CNTNAP5: variants seen among roughly 807,000 people sequenced by gnomAD.
The protein encoded by CNTNAP5 is contactin associated protein family member 5, also known as contactin-associated protein-like 5.
In CNTNAP5, 72 loss-of-function variants were observed where a neutral mutation model predicts 150.2. The ratio of observed to expected loss-of-function variants is 0.48; its 90% CI spans 0.40 to 0.58. CNTNAP5 has a LOEUF of 0.58. Ranked by LOEUF, CNTNAP5 falls within the 20% of genes least tolerant of loss-of-function variation. The probability of loss-of-function intolerance (pLI) is 0.00; values close to 1 mark genes in which losing one functional copy is unlikely to be tolerated. For synonymous variants in CNTNAP5, 672 were observed against 619.8 expected, an observed-to-expected ratio of 1.08 and a Z score of -1.25; for missense variants, 1,636 against 1,626.2, an observed-to-expected ratio of 1.01 and a Z score of -0.10.
At chr2:124,677,852 C>T (rs1314325790) in intron 13 of CNTNAP5, among the ~76,000 whole-genome samples, 1 of 151,846 alleles carries the variant, frequency 6.6e-6, no homozygotes. Context: ...GCCCACCTGG[C>T]TTCACCTCTC....
At chr2:124,551,629 G>T (rs1695630469) in intron 10 of CNTNAP5, among the ~76,000 whole-genome samples, 1 of 152,124 alleles carries the variant, frequency 6.6e-6, no homozygotes, top group Non-Finnish European at 1.5e-5. Flanking sequence ...AAAGCATATA[G>T]AAATTGAAAC....
chr2:124,344,931 A>G (rs1689701950), intron 3 of CNTNAP5, among the ~76,000 whole-genome samples: 1 of 152,202 alleles, frequency 6.6e-6, no homozygotes, highest in African/African-American at 2.4e-5. Context: ...TGCAACCTAC[A>G]TGGCTACCAG....
intron 1 of CNTNAP5, among the ~76,000 whole-genome samples, chr2:124,175,493 A>G (rs1229291934): frequency 6.6e-6 from 1 of 152,082 alleles, no homozygotes; most frequent in African/African-American, 2.4e-5. Context: ...AGTTTGTTAC[A>G]TGGGTATATT....
chr2:124,148,308 A>C (rs1390395980), intron 1 of CNTNAP5, among the ~76,000 whole-genome samples: 1 of 151,114 alleles, frequency 6.6e-6, no homozygotes, highest in Non-Finnish European at 1.5e-5. Context: ...AAAAAAAAAA[A>C]GAAAGAAAAA....
chr2:124,810,283 C>T (rs1218620997), intron 19 of CNTNAP5, among the ~76,000 whole-genome samples: 1 of 152,088 alleles, frequency 6.6e-6, no homozygotes, highest in African/African-American at 2.4e-5. Context: ...CTTGGTGTCT[C>T]CGAGGTCAAA....
At chr2:124,557,641 G>A (rs1007334381) in intron 10 of CNTNAP5, among the ~76,000 whole-genome samples, 4 of 152,098 alleles carry the variant, frequency 2.6e-5, no homozygotes, top group African/African-American at 9.7e-5. Flanking sequence ...ATCATAAACT[G>A]ATGGATAAGC....
At chr2:124,558,137 A>T (rs575597251) in intron 10 of CNTNAP5, among the ~76,000 whole-genome samples, 4 of 152,292 alleles carry the variant, frequency 2.6e-5, no homozygotes, top group African/African-American at 9.6e-5. Context: ...GGGGTCAAGG[A>T]TGGAAGCTGG....
chr2:124,613,786 A>G (rs1677436368), intron 12 of CNTNAP5, among the ~76,000 whole-genome samples: 1 of 152,162 alleles, frequency 6.6e-6, no homozygotes, highest in African/African-American at 2.4e-5. Context: ...TCAACCAGCA[A>G]CCACCCTATG....
intron 12 of CNTNAP5, among the ~76,000 whole-genome samples, chr2:124,625,339 C>T (rs1046554177): frequency 2.6e-5 from 4 of 152,056 alleles, no homozygotes; most frequent in Admixed American, 6.5e-5. Flanking sequence ...GTTCACAAAG[C>T]TTAGTTTTCT....
At position 124,551,420 on chromosome 2, in the gene CNTNAP5, A is replaced by C. The variant is rs560807483; in HGVS notation, c.1650-11797A>C. On this transcript the variant is annotated intron_variant, in intron 10 of 23. Coordinates refer to ENST00000682447, the MANE Select transcript of CNTNAP5 (RefSeq NM_001367498.1). ...TTATGATAATTGTTAGAATGGAAAG[A>C]CATAGAAATAGGTTTCAAAAGCTTT... is the stretch of plus-strand genomic sequence containing the variant. Among the ~76,000 whole-genome samples, 5 of 152,320 alleles carry C rather than the reference A, an allele frequency of 3.3e-5. No individual in the cohort carries two copies. In the South Asian group the frequency reaches 1.0e-3, roughly 32 times the overall value.
At chr2:124,387,868 T>C (rs527840993) in intron 3 of CNTNAP5, among the ~76,000 whole-genome samples, 1 of 152,150 alleles carries the variant, frequency 6.6e-6, no homozygotes, top group Non-Finnish European at 1.5e-5. Context: ...TCCACAGCCC[T>C]CCTATCTTAG....
intron 19 of CNTNAP5, among the ~76,000 whole-genome samples, chr2:124,852,795 G>A (rs1445573903): frequency 2.0e-5 from 3 of 152,196 alleles, no homozygotes; most frequent in African/African-American, 4.8e-5. Context: ...GATGCACAAT[G>A]TATTTAGTAG....
At chr2:124,054,645 T>C (rs1020610101) in intron 1 of CNTNAP5, among the ~76,000 whole-genome samples, 3 of 152,200 alleles carry the variant, frequency 2.0e-5, no homozygotes, top group Non-Finnish European at 2.9e-5. Flanking sequence ...ATCCCAAGTT[T>C]ACTATAGCAG....
intron 11 of CNTNAP5, among the ~76,000 whole-genome samples, chr2:124,572,363 T>A (rs980006818): frequency 2.7e-4 from 41 of 152,136 alleles, no homozygotes; most frequent in Admixed American, 5.9e-4. Flanking sequence ...TATTGGTTAC[T>A]GGGCTTAATA....
intron 10 of CNTNAP5, among the ~76,000 whole-genome samples, chr2:124,554,037 T>G (rs563064289): frequency 6.6e-6 from 1 of 152,316 alleles, no homozygotes; most frequent in East Asian, 1.9e-4. Flanking sequence ...ATTTTTGGTT[T>G]TAAAAAAGTG....
intron 4 of CNTNAP5, among the ~76,000 whole-genome samples, chr2:124,423,101 A>G (rs997125096): frequency 1.3e-5 from 2 of 152,216 alleles, no homozygotes. Context: ...CAACAGACAT[A>G]GAAACTTGAC....
At chr2:124,870,506 C>A (rs1474084983) in intron 21 of CNTNAP5, among the ~76,000 whole-genome samples, 2 of 151,720 alleles carry the variant, frequency 1.3e-5, no homozygotes, top group Non-Finnish European at 2.9e-5. Flanking sequence ...TTTATAATGG[C>A]AAATGTAGGT....
At chr2:124,357,915 G>A (rs1159716045) in intron 3 of CNTNAP5, among the ~76,000 whole-genome samples, 3 of 151,206 alleles carry the variant, frequency 2.0e-5, no homozygotes, top group African/African-American at 7.3e-5. Context: ...CAATTTTCAT[G>A]ATATTGATTC....
At chr2:124,649,064 T>A (rs1678265143) in intron 13 of CNTNAP5, among the ~76,000 whole-genome samples, 1 of 152,214 alleles carries the variant, frequency 6.6e-6, no homozygotes, top group Non-Finnish European at 1.5e-5. Context: ...GCACCAAAAA[T>A]CTTTCCAAAG....
Sources: gnomAD v4.1 joint callset for allele counts (sites outside exome capture counted in the v4.1 genomes callset) on GRCh38, gnomAD v4.1.1 for gene constraint, MANE v1.5 for transcripts, NCBI Gene and HGNC (gene_info 2026-07-23, HGNC 2026-07-21) for gene names.